The following COL14A1 variants were observed in gnomAD, a reference collection of about 807,000 sequenced individuals.
COL14A1 encodes collagen alpha-1(XIV) chain.
A neutral mutation model predicts 230.3 loss-of-function variants in COL14A1; 136 were observed. The ratio of observed to expected loss-of-function variants is 0.59; its 90% CI spans 0.51 to 0.68. The LOEUF is 0.68. COL14A1 is among the 30% of genes least tolerant of loss of function. COL14A1 has a pLI of 0.00. For missense variants in COL14A1, 1,976 were observed against 2,215.8 expected (o/e 0.89, Z 2.17); for synonymous variants, 792 against 784.1 (o/e 1.01, Z -0.17).
intron 2 of COL14A1, among the ~76,000 whole-genome samples, chr8:120,150,665 A>G (rs953538385): frequency 1.3e-5 from 2 of 152,122 alleles, no homozygotes; most frequent in Non-Finnish European, 1.5e-5. Flanking sequence ...TGTTTCAGTC[A>G]TAGTAGACAT....
At chr8:120,286,836 C>T (rs1714557055) in intron 33 of COL14A1, among the ~76,000 whole-genome samples, 1 of 152,152 alleles carries the variant, frequency 6.6e-6, no homozygotes, top group Non-Finnish European at 1.5e-5. Flanking sequence ...TAACTCAGCA[C>T]TTGTGGTATA....
intron 23 of COL14A1, 99 bp downstream of exon 23, chr8:120,255,455 C>A (rs138343493): frequency 2.1e-6 from 2 of 933,496 alleles, no homozygotes; most frequent in African/African-American, 3.2e-5. Flanking sequence ...AGACAACAGC[C>A]CTCTTGTCAA....
intron 40 of COL14A1, among the ~76,000 whole-genome samples, chr8:120,327,844 A>G (rs1028050898): frequency 2.0e-5 from 3 of 151,122 alleles, no homozygotes; most frequent in African/African-American, 4.9e-5. Context: ...GGCTCACTGC[A>G]ACCTCCACCT....
chr8:120,180,514 G>C (rs62527009), intron 5 of COL14A1, among the ~76,000 whole-genome samples: 51,702 of 151,916 alleles, frequency 0.34, 9,597 homozygotes, highest in Admixed American at 0.48. Flanking sequence ...CTGAAGTATG[G>C]CTGGACCTAG....
intron 9 of COL14A1, among the ~76,000 whole-genome samples, 170 bp downstream of exon 9, chr8:120,204,040 G>T (rs573887256): frequency 6.6e-6 from 1 of 152,162 alleles, no homozygotes; most frequent in East Asian, 1.9e-4. Context: ...AGGCTTTGTG[G>T]GGGTGAAGGA....
intron 45 of COL14A1, among the ~76,000 whole-genome samples, chr8:120,354,094 A>T (rs1822881485): frequency 1.7e-5 from 2 of 119,510 alleles, no homozygotes; most frequent in Non-Finnish European, 3.4e-5. Flanking sequence ...CTTTGTAGGG[A>T]CATGGATGAA....
intron 34 of COL14A1, among the ~76,000 whole-genome samples, chr8:120,291,159 A>C (rs561147606): frequency 2.6e-5 from 4 of 152,182 alleles, no homozygotes; most frequent in Non-Finnish European, 4.4e-5. Flanking sequence ...ATGATAGTAC[A>C]TGAAGGAATT....
At chr8:120,197,078 C>T in intron 6 of COL14A1, 132 bp downstream of exon 6, 1 of 756,846 alleles carries the variant, frequency 1.3e-6, no homozygotes, top group Admixed American at 2.7e-5. Flanking sequence ...CCCTAAAGTA[C>T]ATGTTTGGAT....
At chr8:120,307,104 C>T (rs112526686) in intron 36 of COL14A1, among the ~76,000 whole-genome samples, 1 of 152,314 alleles carries the variant, frequency 6.6e-6, no homozygotes, top group African/African-American at 2.4e-5. Context: ...TGTGCTTGCT[C>T]TAGCTTCCCA....
At chr8:120,341,280 T>C in intron 42 of COL14A1, 45 bp from the exon 43 acceptor site, 1 of 1,587,534 alleles carries the variant, frequency 6.3e-7, no homozygotes, top group Non-Finnish European at 8.7e-7. Flanking sequence ...CACTCTTAGC[T>C]AAGTGCAATA....
Position 120,372,015 on chromosome 8 carries a change from C to A in COL14A1, c.*784C>A. ...ACCTATTTCCATTTTCTTTTGTAAG[C>A]AAATAAAACTTTAAAACAATGTATG... is the stretch of plus-strand genomic sequence containing the variant. On this transcript the variant is annotated 3_prime_UTR_variant, in exon 48 of 48. Transcript: ENST00000297848. 1 of 181,912 alleles carries A rather than the reference C, an allele frequency of 5.5e-6. No homozygotes were observed. The highest frequency in any genetic ancestry group is 2.3e-5 in the African/African-American group (1 of 43,276). 11.3% of individuals were successfully genotyped at this position (181,912 alleles called of 1,614,324 possible).
rs2130546337 is a variant in COL14A1, at chr8:120,162,627, G to T, written c.349+58G>T. On this transcript the variant is annotated intron_variant, in intron 4 of 47. Transcript: ENST00000297848. ...AGGACTCTGTCCCAGCCTTGGATTTGAGTCTGTGATATATATTCTACAACT... is the reference window on the plus strand; with the variant it reads ...AGGACTCTGTCCCAGCCTTGGATTTTAGTCTGTGATATATATTCTACAACT... The T allele has an allele frequency of 7.0e-6, 10 of 1,427,056 alleles. No homozygotes were observed. The South Asian group carries it at 1.6e-4, about 22-fold the overall frequency. 88.4% of individuals were successfully genotyped at this position (1,427,056 alleles called of 1,614,324 possible).
chr8:120,288,395 T>C (rs1176344730), intron 33 of COL14A1, among the ~76,000 whole-genome samples: 1 of 152,156 alleles, frequency 6.6e-6, no homozygotes, highest in African/African-American at 2.4e-5. Context: ...GTCCATGTGC[T>C]TTCAGCTCGT....
intron 8 of COL14A1, among the ~76,000 whole-genome samples, chr8:120,203,093 T>C (rs1276067620): frequency 1.3e-5 from 2 of 150,432 alleles, no homozygotes; most frequent in East Asian, 3.9e-4. Context: ...TTTGATAGTT[T>C]AGGATGCTGG....
intron 40 of COL14A1, among the ~76,000 whole-genome samples, chr8:120,326,718 G>A (rs536989997): frequency 5.7e-4 from 87 of 152,232 alleles, no homozygotes; most frequent in African/African-American, 2.1e-3. Context: ...ATAACTCACA[G>A]TAGACTTAAA....
At chr8:120,257,235 A>T (rs1430795453) in intron 23 of COL14A1, among the ~76,000 whole-genome samples, 2 of 152,164 alleles carry the variant, frequency 1.3e-5, no homozygotes, top group Non-Finnish European at 2.9e-5. Context: ...GGCTGCCAGA[A>T]ACTTTTTCAG....
intron 23 of COL14A1, among the ~76,000 whole-genome samples, chr8:120,259,977 A>G (rs574288803): frequency 8.4e-4 from 128 of 152,298 alleles, no homozygotes; most frequent in African/African-American, 2.8e-3. Flanking sequence ...ACTAAATTTT[A>G]CTTACTATCA....
chr8:120,294,852 C>T (rs551031980), intron 34 of COL14A1, among the ~76,000 whole-genome samples: 32 of 151,994 alleles, frequency 2.1e-4, no homozygotes, highest in Non-Finnish European at 3.5e-4. Flanking sequence ...GCCCACGTAA[C>T]ATTCCTGAAA....
At chr8:120,367,147 A>AT in intron 45 of COL14A1, 24 bp from the exon 46 acceptor site, 5 of 1,543,646 alleles carry the variant, frequency 3.2e-6, no homozygotes, top group Non-Finnish European at 4.4e-6. Context: ...AACTTTAAAC[A>AT]TTTTTAAAAA....
Sources: allele counts gnomAD v4.1 joint callset (sites outside exome capture counted in the v4.1 genomes callset), GRCh38; gene constraint gnomAD v4.1.1; transcripts MANE v1.5; gene names NCBI Gene and HGNC (gene_info 2026-07-23, HGNC 2026-07-21).